Variants in PTPRN2 observed in about 807,000 individuals in gnomAD.
The protein encoded by PTPRN2 is receptor-type tyrosine-protein phosphatase N2.
PTPRN2 carries 74 observed loss-of-function variants against 118.8 expected under a neutral mutation model. The ratio of observed to expected loss-of-function variants is 0.62; its 90% CI spans 0.52 to 0.76. PTPRN2 has a LOEUF of 0.76. PTPRN2 is among the 30% of genes least tolerant of loss of function. The probability of loss-of-function intolerance (pLI) is 0.00; values close to 1 mark genes in which losing one functional copy is unlikely to be tolerated. For synonymous variants in PTPRN2, 641 were observed against 608.0 expected (o/e 1.05, Z -0.80); for missense variants, 1,481 against 1,394.4 (o/e 1.06, Z -0.99).
intron 1 of PTPRN2, among the ~76,000 whole-genome samples, chr7:158,520,456 C>T (rs375618430): frequency 1.3e-5 from 2 of 152,202 alleles, no homozygotes; most frequent in Non-Finnish European, 2.9e-5. Context: ...CTTCGGTAGA[C>T]AGTTTCTAGA....
Position 157,622,522 on chromosome 7 carries a change from A to G in PTPRN2, c.2197-1013T>C, listed in dbSNP as rs1563274787. ...AGGAGACAGGTAGAGAAAGAGACACAGAGGGAGGGAGGGCTGGACACGGCG... is the reference window on the plus strand; with the variant it reads ...AGGAGACAGGTAGAGAAAGAGACACGGAGGGAGGGAGGGCTGGACACGGCG... On this transcript the variant is annotated intron_variant, in intron 14 of 22. Coordinates refer to ENST00000389418, the MANE Select transcript of PTPRN2 (RefSeq NM_002847.5). This position sits in a 1 kb window ranked among gnomAD's most constrained non-coding sequence, Gnocchi z 5.3. Among the ~76,000 whole-genome samples the G allele has an allele frequency of 2.0e-5, 3 of 152,186 alleles. No individual in the cohort carries two copies. Among genetic ancestry groups the G allele is most frequent in the Admixed American group, 6.5e-5 (1 of 15,296 alleles).
chr7:158,286,632 C>T (rs1052341006), intron 3 of PTPRN2, among the ~76,000 whole-genome samples: 1 of 152,000 alleles, frequency 6.6e-6, no homozygotes, highest in African/African-American at 2.4e-5. Context: ...TTTATCCTTC[C>T]CTCAATGTGG....
intron 14 of PTPRN2, among the ~76,000 whole-genome samples, chr7:157,626,191 C>T (rs12671737): frequency 0.098 from 14,978 of 152,176 alleles, 884 homozygotes; most frequent in East Asian, 0.31. Context: ...GCAGCCTTCT[C>T]GCTGATCTTC....
At chr7:157,942,400 C>T (rs1050937537) in intron 11 of PTPRN2, among the ~76,000 whole-genome samples, 15 of 152,210 alleles carry the variant, frequency 9.9e-5, no homozygotes, top group Non-Finnish European at 1.8e-4. Context: ...GACTGCACAG[C>T]AGGTGTTGGT....
intron 2 of PTPRN2, among the ~76,000 whole-genome samples, chr7:158,340,349 A>G (rs1806438125): frequency 9.9e-6 from 1 of 101,052 alleles, no homozygotes; most frequent in Non-Finnish European, 2.1e-5. Context: ...TCACCATAAG[A>G]GCTGAGGCCC....
intron 12 of PTPRN2, among the ~76,000 whole-genome samples, chr7:157,770,759 G>A (rs1265655645): frequency 3.9e-5 from 6 of 152,132 alleles, no homozygotes; most frequent in African/African-American, 9.7e-5. Context: ...GTCATGAGGC[G>A]CCTGCATTCA....
chr7:157,993,718 A>G (rs1427703833), intron 11 of PTPRN2, among the ~76,000 whole-genome samples: 1 of 152,214 alleles, frequency 6.6e-6, no homozygotes, highest in Non-Finnish European at 1.5e-5. Context: ...GCACGGGTCC[A>G]GGACAGCAGG....
Position 158,386,273 on chromosome 7 carries a change from C to G in PTPRN2, c.164-69341G>C, listed in dbSNP as rs1487295232. Reference sequence around the variant, plus strand: ...CCTCCTCCCATGCCCTGAGTCCCTCCTCCCGTGCCCCAAGTCCCTCCTCCC... The same window carrying G: ...CCTCCTCCCATGCCCTGAGTCCCTCGTCCCGTGCCCCAAGTCCCTCCTCCC... On this transcript the variant is annotated intron_variant, in intron 2 of 22. Coordinates refer to ENST00000389418, the MANE Select transcript of PTPRN2 (RefSeq NM_002847.5). 4.3e-5 allele frequency among the ~76,000 whole-genome samples: 6 copies of G among 139,968 alleles called. No individual in the cohort carries two copies. In the East Asian group the frequency reaches 8.8e-4, roughly 20 times the overall value. 91.8% of individuals were successfully genotyped at this position (139,968 alleles called of 152,430 possible). A position where few individuals can be genotyped will look rare whatever the true frequency, so the allele number is the denominator to read the frequency against.
intron 11 of PTPRN2, among the ~76,000 whole-genome samples, chr7:158,010,734 A>AT (rs1805983733): frequency 6.6e-6 from 1 of 152,260 alleles, no homozygotes; most frequent in African/African-American, 2.4e-5. Flanking sequence ...TAAAAAGTCT[A>AT]TTTTTTAAAA....
At position 157,595,627 on chromosome 7, in the gene PTPRN2, G is replaced by T. The variant is rs139872066; in HGVS notation, c.2419-312C>A. On this transcript the variant is annotated intron_variant, in intron 16 of 22. Transcript: ENST00000389418. The stretch of plus-strand genomic sequence containing the variant: ...AGCCCGGAGGTTAGGAAGCCAGGAG[G>T]TTAGGAAGCCTGGTGGTTAGGAAGC... 7.9e-3 allele frequency among the ~76,000 whole-genome samples: 1,189 copies of T among 150,304 alleles called. 26 individuals carry two copies. Among genetic ancestry groups the T allele is most frequent in the African/African-American group, 0.028 (1,139 of 40,376 alleles).
intron 17 of PTPRN2, among the ~76,000 whole-genome samples, chr7:157,589,404 C>A (rs1325002424): frequency 1.3e-5 from 2 of 152,214 alleles, no homozygotes; most frequent in African/African-American, 2.4e-5. Flanking sequence ...CAAGGTGGCC[C>A]CATTTGGCAG....
chr7:158,443,983 C>G (rs554251722), intron 2 of PTPRN2, among the ~76,000 whole-genome samples: 10 of 152,206 alleles, frequency 6.6e-5, no homozygotes, highest in Non-Finnish European at 1.3e-4. Flanking sequence ...GGGCTCATAC[C>G]CGTCTCTGGG....
chr7:158,460,852 A>G (rs1818934526), intron 2 of PTPRN2, among the ~76,000 whole-genome samples: 1 of 152,362 alleles, frequency 6.6e-6, no homozygotes, highest in South Asian at 2.1e-4. Flanking sequence ...AATATACAAG[A>G]ACAGATAGTA....
intron 11 of PTPRN2, among the ~76,000 whole-genome samples, chr7:157,957,268 A>C (rs1585086491): frequency 6.6e-6 from 1 of 152,148 alleles, no homozygotes; most frequent in Admixed American, 6.5e-5. Context: ...TCCCCTCTCC[A>C]CAGCAACAGT....
intron 2 of PTPRN2, among the ~76,000 whole-genome samples, chr7:158,394,365 G>A (rs2151384210): frequency 6.6e-6 from 1 of 152,300 alleles, no homozygotes; most frequent in Non-Finnish European, 1.5e-5. Flanking sequence ...CCACAGGGAG[G>A]GCATTGGAGG....
intron 12 of PTPRN2, among the ~76,000 whole-genome samples, chr7:157,719,232 C>G (rs941125456): frequency 6.6e-6 from 1 of 152,210 alleles, no homozygotes; most frequent in African/African-American, 2.4e-5. Context: ...GAAGCCCCAC[C>G]TGAGCTTCCA....
chr7:158,085,837 C>T (rs1430756566), intron 10 of PTPRN2, among the ~76,000 whole-genome samples: 1 of 141,572 alleles, frequency 7.1e-6, no homozygotes, highest in East Asian at 2.2e-4. Flanking sequence ...CCATCCACAC[C>T]CATGACGCCC....
At chr7:158,083,335 A>G (rs1812987215) in intron 10 of PTPRN2, among the ~76,000 whole-genome samples, 1 of 152,196 alleles carries the variant, frequency 6.6e-6, no homozygotes, top group African/African-American at 2.4e-5. Context: ...CATTAACACA[A>G]GCAGCACTCA....
chr7:158,515,686 A>G (rs1285660324), intron 1 of PTPRN2, among the ~76,000 whole-genome samples: 1 of 151,908 alleles, frequency 6.6e-6, no homozygotes, highest in Non-Finnish European at 1.5e-5. Context: ...GGCCTCTGCA[A>G]TCCCTCTTCC....
Sources: allele counts gnomAD v4.1 joint callset (sites outside exome capture counted in the v4.1 genomes callset), GRCh38; gene constraint gnomAD v4.1.1; non-coding constraint Gnocchi (gnomAD v3.1); transcripts MANE v1.5; gene names NCBI Gene and HGNC (gene_info 2026-07-23, HGNC 2026-07-21).